EXOC2: variants seen among roughly 807,000 people sequenced by gnomAD.
EXOC2 encodes the protein exocyst complex component 2.
Under a neutral mutation model 131.8 loss-of-function variants are expected in EXOC2, and 70 were observed. That is an observed-to-expected ratio of 0.53 (90% CI 0.44 to 0.65). The LOEUF is 0.65. Among genes scored for constraint, EXOC2 ranks in the 30% least tolerant of loss-of-function variants. The probability of loss-of-function intolerance (pLI) is 0.00; values close to 1 mark genes in which losing one functional copy is unlikely to be tolerated. For missense variants in EXOC2, 923 were observed against 1,108.6 expected, an observed-to-expected ratio of 0.83 and a Z score of 2.38; for synonymous variants, 411 against 398.4, an observed-to-expected ratio of 1.03 and a Z score of -0.38.
intron 1 of EXOC2, among the ~76,000 whole-genome samples, chr6:678,374 C>T (rs962532573): frequency 3.9e-5 from 6 of 152,060 alleles, no homozygotes; most frequent in African/African-American, 1.4e-4. Context: ...TCATGTGTAC[C>T]AAAGATCTCT....
intron 5 of EXOC2, among the ~76,000 whole-genome samples, chr6:618,802 A>G (rs1356300534): frequency 6.6e-6 from 1 of 152,240 alleles, no homozygotes; most frequent in Non-Finnish European, 1.5e-5. Context: ...TTAACACACT[A>G]ATTTATCAAT....
chr6:504,288 TGAGGCAGAGGCCG>T (rs1764399535), intron 23 of EXOC2, among the ~76,000 whole-genome samples: 1 of 152,094 alleles, frequency 6.6e-6, no homozygotes, highest in South Asian at 2.1e-4. Context: ...ACGGAGAAGG[TGAGGCAGAGGCCG>T]TCAGAGAGGG....
intron 25 of EXOC2, among the ~76,000 whole-genome samples, chr6:494,201 T>C (rs745789898): frequency 1.4e-4 from 22 of 152,232 alleles, no homozygotes; most frequent in Non-Finnish European, 2.9e-4. Context: ...TTGCAACAGA[T>C]TCTCCCCTAA....
rs1354424771 is a variant in EXOC2, at chr6:637,693, G to A, written c.118+8C>T. 4 of 1,608,864 alleles carry A rather than the reference G, an allele frequency of 2.5e-6. No individual in the cohort carries two copies. The South Asian group carries it at 4.4e-5, about 18-fold the overall frequency. ...TAGCAGGGTGCGTCGCAGGGCCTCT[G>A]CCCTTACCTATGAGGTCGGTGGGGC... On this transcript the variant is annotated splice_region_variant and intron_variant, in intron 2 of 27. Transcript: ENST00000230449.
chr6:492,297 C>T (rs796374942), intron 25 of EXOC2, among the ~76,000 whole-genome samples: 11 of 152,282 alleles, frequency 7.2e-5, no homozygotes, highest in African/African-American at 2.6e-4. Context: ...CATTGGAACC[C>T]TCAAAAATTG....
At chr6:641,839 C>A (rs1451954977) in intron 1 of EXOC2, among the ~76,000 whole-genome samples, 1 of 151,414 alleles carries the variant, frequency 6.6e-6, no homozygotes, top group Non-Finnish European at 1.5e-5. Context: ...GGTAACTCTG[C>A]CCCATTTTCT....
chr6:548,357 T>C (rs1056274331), intron 22 of EXOC2, among the ~76,000 whole-genome samples: 1 of 152,210 alleles, frequency 6.6e-6, no homozygotes, highest in African/African-American at 2.4e-5. Context: ...ATCATTATCG[T>C]TCTCATTCTT....
chr6:618,347 AC>A (rs1467285278), intron 5 of EXOC2, among the ~76,000 whole-genome samples: 1 of 152,224 alleles, frequency 6.6e-6, no homozygotes, highest in Non-Finnish European at 1.5e-5. Context: ...TCGATTCACA[AC>A]TTAAATAACT....
Position 511,036 on chromosome 6 carries a change from G to T in EXOC2, c.2381-11336C>A, listed in dbSNP as rs114180861. 6.4e-4 allele frequency among the ~76,000 whole-genome samples: 97 copies of T among 152,342 alleles called. 2 individuals carry two copies. Among genetic ancestry groups the T allele is most frequent in the Non-Finnish European group, 8.1e-4 (55 of 68,034 alleles). On this transcript the variant is annotated intron_variant, in intron 23 of 27. Transcript: ENST00000230449. ...TTTTTGTTTTTAAAGATTTTAATGAGCTGAGATCAAAACCAATGACTGCTA... is the reference window on the plus strand; with the variant it reads ...TTTTTGTTTTTAAAGATTTTAATGATCTGAGATCAAAACCAATGACTGCTA...
chr6:570,727 T>A (rs1758232160), intron 13 of EXOC2, among the ~76,000 whole-genome samples: 1 of 152,200 alleles, frequency 6.6e-6, no homozygotes, highest in South Asian at 2.1e-4. Context: ...GAGAAGTAAT[T>A]TGCCTAAGGT....
At chr6:561,016 A>G (rs1757673121) in intron 17 of EXOC2, among the ~76,000 whole-genome samples, 1 of 152,152 alleles carries the variant, frequency 6.6e-6, no homozygotes, top group African/African-American at 2.4e-5. Context: ...CCCAATTAAA[A>G]TATTTTTATT....
chr6:615,602 C>T (rs1301733126), intron 6 of EXOC2, among the ~76,000 whole-genome samples: 9 of 151,828 alleles, frequency 5.9e-5, no homozygotes, highest in Non-Finnish European at 1.3e-4. Flanking sequence ...CACCTGTAAT[C>T]CCAGCTACTT....
chr6:515,743 C>T (rs947433122), intron 23 of EXOC2, among the ~76,000 whole-genome samples: 1 of 149,902 alleles, frequency 6.7e-6, no homozygotes, highest in Admixed American at 6.6e-5. Flanking sequence ...ACAGCTGGGG[C>T]GGTCCTAGGA....
chr6:611,313 TGGCACCCACTGCAGCTGCACCGAGTG>T (rs1477860617), intron 6 of EXOC2, among the ~76,000 whole-genome samples: 4 of 152,242 alleles, frequency 2.6e-5, no homozygotes, highest in Admixed American at 6.5e-5. Flanking sequence ...GAAGGACACC[TGGCACCCACTGCAGCTGCACCGAGTG>T]GGCACCCACT....
chr6:571,444 T>G (rs538445806), intron 13 of EXOC2, among the ~76,000 whole-genome samples: 4 of 152,224 alleles, frequency 2.6e-5, no homozygotes, highest in Admixed American at 2.0e-4. Context: ...ACGGAGATAC[T>G]AGGCACTTGG....
At chr6:577,449 A>G (rs1445803438) in intron 11 of EXOC2, among the ~76,000 whole-genome samples, 2 of 152,134 alleles carry the variant, frequency 1.3e-5, no homozygotes, top group Admixed American at 6.6e-5. Flanking sequence ...TGCTTTTTTG[A>G]TTCTCATCTG....
At chr6:529,516 G>A (rs1765950676) in intron 23 of EXOC2, among the ~76,000 whole-genome samples, 1 of 152,166 alleles carries the variant, frequency 6.6e-6, no homozygotes, top group African/African-American at 2.4e-5. Context: ...AAACTCGGTG[G>A]CCCATTCTAA....
intron 13 of EXOC2, among the ~76,000 whole-genome samples, chr6:570,803 A>G (rs762846494): frequency 6.6e-6 from 1 of 152,212 alleles, no homozygotes; most frequent in African/African-American, 2.4e-5. Flanking sequence ...GTGAAAACCT[A>G]TGAATGCCAT....
chr6:672,154 A>G (rs1303317954), intron 1 of EXOC2, among the ~76,000 whole-genome samples: 2 of 151,946 alleles, frequency 1.3e-5, no homozygotes, highest in Non-Finnish European at 2.9e-5. Context: ...ATAGTTTCTG[A>G]AGACTCTATT....
Sources: allele counts gnomAD v4.1 joint callset (sites outside exome capture counted in the v4.1 genomes callset), GRCh38; gene constraint gnomAD v4.1.1; transcripts MANE v1.5; gene names NCBI Gene and HGNC (gene_info 2026-07-23, HGNC 2026-07-21).